Variants in WDFY2 observed in about 807,000 individuals in gnomAD.
WDFY2 encodes WD repeat and FYVE domain containing 2, also known as WD repeat and FYVE domain-containing protein 2.
Under a neutral mutation model 56.4 loss-of-function variants are expected in WDFY2, and 36 were observed. The observed-to-expected ratio is 0.64, with a 90% CI of 0.49 to 0.84. The LOEUF (loss-of-function observed/expected upper bound fraction) is 0.84, where lower values mean the gene tolerates loss of function less well. WDFY2 is among the 40% of genes least tolerant of loss of function. The probability of loss-of-function intolerance (pLI) is 0.00; values close to 1 mark genes in which losing one functional copy is unlikely to be tolerated. For missense variants in WDFY2, 444 were observed against 512.2 expected (o/e 0.87, Z 1.29); for synonymous variants, 176 against 183.7 (o/e 0.96, Z 0.34).
intron 1 of WDFY2, among the ~76,000 whole-genome samples, chr13:51,628,364 T>G (rs2138373516): frequency 6.6e-6 from 1 of 152,350 alleles, no homozygotes; most frequent in Admixed American, 6.5e-5. Flanking sequence ...AACTTTGTTC[T>G]GAAATCAGAG....
chr13:51,646,135 G>A (rs1955257992), intron 1 of WDFY2, among the ~76,000 whole-genome samples: 1 of 152,152 alleles, frequency 6.6e-6, no homozygotes, highest in African/African-American at 2.4e-5. Context: ...TTACTTCAGG[G>A]TAACCCCGCC....
chr13:51,602,149 T>TA (rs1367072297), intron 1 of WDFY2, among the ~76,000 whole-genome samples: 2 of 152,186 alleles, frequency 1.3e-5, no homozygotes, highest in Non-Finnish European at 2.9e-5. Flanking sequence ...CAACTGTAAT[T>TA]AATGTGTTGC....
chr13:51,675,659 C>T (rs749642155), intron 3 of WDFY2, among the ~76,000 whole-genome samples: 6 of 152,160 alleles, frequency 3.9e-5, no homozygotes, highest in Non-Finnish European at 8.8e-5. Flanking sequence ...GTCTTTGATA[C>T]TCTGTGTTCT....
intron 11 of WDFY2, among the ~76,000 whole-genome samples, chr13:51,759,451 G>A (rs956414956): frequency 3.3e-4 from 50 of 152,310 alleles, no homozygotes; most frequent in South Asian, 2.1e-4. Context: ...GTGACTCACA[G>A]GAGGATCTGC....
At chr13:51,748,624 CTCTT>C (rs1953157960) in intron 7 of WDFY2, among the ~76,000 whole-genome samples, 2 of 152,006 alleles carry the variant, frequency 1.3e-5, no homozygotes, top group Admixed American at 6.6e-5. Flanking sequence ...TTCTCTCTCT[CTCTT>C]TTTTTTTTCT....
chr13:51,743,655 A>G (rs903707015), intron 7 of WDFY2, among the ~76,000 whole-genome samples: 4 of 152,212 alleles, frequency 2.6e-5, no homozygotes, highest in Non-Finnish European at 2.9e-5. Flanking sequence ...CTCCAGCTAC[A>G]TACCAGACTT....
intron 4 of WDFY2, among the ~76,000 whole-genome samples, chr13:51,704,053 ATGTCTT>A (rs1244775793): frequency 6.6e-6 from 1 of 152,244 alleles, no homozygotes; most frequent in Non-Finnish European, 1.5e-5. Context: ...TGGTTTTATC[ATGTCTT>A]CAACATTGAC....
Position 51,749,747 on chromosome 13 carries a change from TACTTAGA to T in WDFY2, c.726-1561_726-1555del, listed in dbSNP as rs1163234320. 1.5e-3 allele frequency among the ~76,000 whole-genome samples: 221 copies of T among 152,300 alleles called. 2 individuals carry two copies. The highest frequency in any genetic ancestry group is 5.2e-3 in the African/African-American group (215 of 41,584). ...TAATCAAAGTCACAGTATTCTAACT[TACTTAGA>T]AATTATCTAGGTATCCAATGATTAT... On this transcript the variant is annotated intron_variant, in intron 7 of 11. Coordinates refer to ENST00000298125, the MANE Select transcript of WDFY2 (RefSeq NM_052950.4).
chr13:51,623,004 C>T (rs894969189), intron 1 of WDFY2, among the ~76,000 whole-genome samples: 2 of 151,786 alleles, frequency 1.3e-5, no homozygotes, highest in Non-Finnish European at 1.5e-5. Context: ...ATTACAAGCA[C>T]GCACAACCAT....
At chr13:51,673,614 G>A (rs1002859931) in intron 2 of WDFY2, among the ~76,000 whole-genome samples, 2 of 151,738 alleles carry the variant, frequency 1.3e-5, no homozygotes, top group Non-Finnish European at 2.9e-5. Context: ...TTTTTTTTCA[G>A]CTAACAATTT....
intron 2 of WDFY2, among the ~76,000 whole-genome samples, chr13:51,662,215 C>G (rs757126703): frequency 4.6e-5 from 7 of 152,214 alleles, no homozygotes; most frequent in Non-Finnish European, 8.8e-5. Context: ...AGGTAACCCA[C>G]CTGCCTCGGC....
At chr13:51,590,078 A>C (rs1320541369) in intron 1 of WDFY2, 1 of 152,200 alleles carries the variant, frequency 6.6e-6, no homozygotes, top group Non-Finnish European at 1.5e-5. Context: ...AGCTCCTGAC[A>C]GTTCTGAATT....
intron 3 of WDFY2, among the ~76,000 whole-genome samples, chr13:51,692,258 C>T (rs1388394714): frequency 3.3e-5 from 5 of 152,324 alleles, no homozygotes; most frequent in African/African-American, 1.2e-4. Context: ...GAGAGGGCAT[C>T]CCTGTCTTGT....
At chr13:51,673,603 A>AT (rs1205761572) in intron 2 of WDFY2, among the ~76,000 whole-genome samples, 1 of 151,938 alleles carries the variant, frequency 6.6e-6, no homozygotes, top group East Asian at 1.9e-4. Flanking sequence ...TTTTCTTTAG[A>AT]TTTTTTTTCA....
Position 51,584,810 on chromosome 13 carries a change from C to A in WDFY2, c.123C>A (p.Ser41Arg), listed in dbSNP as rs574538321. Residue 41 changes from serine to arginine, a missense_variant, in exon 1 of 12, where the codon AGC (serine) becomes AGA (arginine). Ser to Arg is a moderately radical substitution (Grantham distance 110). Coordinates refer to ENST00000298125, the MANE Select transcript of WDFY2 (RefSeq NM_052950.4). ...VIVPKEEGVI[S>R]VSEDRTVRVW... ...TGCCCAAAGAGGAGGGCGTCATCAGCGTCTCCGAGGACAGGTATGGACTAC... is the reference window on the plus strand; with the variant it reads ...TGCCCAAAGAGGAGGGCGTCATCAGAGTCTCCGAGGACAGGTATGGACTAC... The A allele has an allele frequency of 3.1e-6, 5 of 1,613,832 alleles. No homozygotes were observed. The South Asian group carries it at 3.3e-5, about 11-fold the overall frequency.
At chr13:51,739,993 A>G (rs1351738991) in intron 7 of WDFY2, among the ~76,000 whole-genome samples, 1 of 152,228 alleles carries the variant, frequency 6.6e-6, no homozygotes, top group Non-Finnish European at 1.5e-5. Context: ...AGTTTTCAAA[A>G]TGATATTGAG....
chr13:51,726,142 T>G lies in WDFY2; in HGVS notation c.486-1536T>G, dbSNP rs1449283686. 2.6e-5 allele frequency among the ~76,000 whole-genome samples: 4 copies of G among 152,218 alleles called. No individual in the cohort carries two copies. In the East Asian group the frequency reaches 7.7e-4, roughly 29 times the overall value. On this transcript the variant is annotated intron_variant, in intron 5 of 11. Transcript: ENST00000298125. ...CTAAATATGAGTGCATACATGCACA[T>G]GCACACACATACATACACATTTGTA...
At chr13:51,667,214 A>T (rs565118778) in intron 2 of WDFY2, among the ~76,000 whole-genome samples, 1 of 152,308 alleles carries the variant, frequency 6.6e-6, no homozygotes, top group East Asian at 1.9e-4. Flanking sequence ...ATTAGGAAAA[A>T]TTGGCTACTT....
At chr13:51,667,133 A>G (rs1039910284) in intron 2 of WDFY2, among the ~76,000 whole-genome samples, 10 of 152,218 alleles carry the variant, frequency 6.6e-5, no homozygotes, top group South Asian at 2.1e-4. Flanking sequence ...CCAAATAACT[A>G]TTTGTAAAAT....
Sources: allele counts gnomAD v4.1 joint callset (sites outside exome capture counted in the v4.1 genomes callset), GRCh38; gene constraint gnomAD v4.1.1; transcripts MANE v1.5; gene names NCBI Gene and HGNC (gene_info 2026-07-23, HGNC 2026-07-21).